PIGS: variants seen among roughly 807,000 people sequenced by gnomAD.
The protein encoded by PIGS is GPI-anchor transamidase component PIGS.
A neutral mutation model predicts 58.2 loss-of-function variants in PIGS; 37 were observed. That is an observed-to-expected ratio of 0.64 (90% CI 0.49 to 0.84). PIGS has a LOEUF of 0.84. Ranked by LOEUF, PIGS falls within the 40% of genes least tolerant of loss-of-function variation. The pLI is 0.00. For missense variants in PIGS, 629 were observed against 710.8 expected (o/e 0.88, Z 1.31); for synonymous variants, 269 against 289.2 (o/e 0.93, Z 0.71).
intron 3 of PIGS, among the ~76,000 whole-genome samples, chr17:28,566,255 G>T (rs1022839750): frequency 2.2e-5 from 3 of 135,542 alleles, no homozygotes; most frequent in Non-Finnish European, 1.6e-5. Flanking sequence ...AGGACCCCTT[G>T]TCTACTTTTT....
chr17:28,556,470 A>G lies in PIGS; in HGVS notation c.1081-204T>C, dbSNP rs570837412. ...TACCCCCTTGAAAGTCCTGTAGAACATATTTTTTTCTTATCCCATTTTAGA... is the reference window on the plus strand; with the variant it reads ...TACCCCCTTGAAAGTCCTGTAGAACGTATTTTTTTCTTATCCCATTTTAGA... On this transcript the variant is annotated intron_variant, in intron 9 of 11. Transcript: ENST00000308360. The G allele has an allele frequency of 7.7e-5, 55 of 714,896 alleles. 1 individual carries two copies. The highest frequency in any genetic ancestry group is 2.9e-4 in the South Asian group (20 of 68,218). 44.3% of individuals were successfully genotyped at this position (714,896 alleles called of 1,614,324 possible). A position where few individuals can be genotyped will look rare whatever the true frequency, so the allele number is the denominator to read the frequency against.
intron 3 of PIGS, among the ~76,000 whole-genome samples, chr17:28,568,907 C>G (rs986213895): frequency 1.3e-5 from 2 of 151,382 alleles, no homozygotes; most frequent in African/African-American, 4.9e-5. Context: ...ACCAGCCTAG[C>G]CAACATGGTG....
At chr17:28,563,356 A>T in intron 5 of PIGS, 75 bp downstream of exon 5, 3 of 1,229,216 alleles carry the variant, frequency 2.4e-6, no homozygotes, top group Non-Finnish European at 3.6e-6. Flanking sequence ...GGTAGCAATG[A>T]TGCAAGAAGG....
At chr17:28,571,015 G>T (rs773589239) in intron 2 of PIGS, 34 bp downstream of exon 2, 1 of 1,614,162 alleles carries the variant, frequency 6.2e-7, no homozygotes, top group East Asian at 2.2e-5. Context: ...TGCCGGGGGG[G>T]CTGTCCCCCG....
intron 7 of PIGS, among the ~76,000 whole-genome samples, chr17:28,559,531 GTCTCTACTAAAATACAAAAA>G (rs562480225): frequency 4.2e-4 from 63 of 151,146 alleles, no homozygotes; most frequent in South Asian, 1.7e-3. Context: ...GTGAAAACCC[GTCTCTACTAAAATACAAAAA>G]TCAGCTGGGC....
chr17:28,554,051 A>G lies in PIGS; in HGVS notation c.*169T>C. 1.2e-6 allele frequency: 1 copy of G among 845,336 alleles called. No individual in the cohort carries two copies. The highest frequency in any genetic ancestry group is 1.8e-6 in the Non-Finnish European group (1 of 554,154). 52.4% of individuals were successfully genotyped at this position (845,336 alleles called of 1,614,324 possible). Reference sequence around the variant, plus strand: ...TGAGCCAGGTGAATGGGAAAGGAAGAAAAGATGAACCCATCTTGGAGTGTT... The same window carrying G: ...TGAGCCAGGTGAATGGGAAAGGAAGGAAAGATGAACCCATCTTGGAGTGTT... On this transcript the variant is annotated 3_prime_UTR_variant, in exon 12 of 12. Transcript: ENST00000308360.
At chr17:28,565,368 G>C (rs1256872342) in intron 3 of PIGS, among the ~76,000 whole-genome samples, 2 of 152,108 alleles carry the variant, frequency 1.3e-5, no homozygotes, top group African/African-American at 2.4e-5. Context: ...TAGCATACAA[G>C]GCCCCTAGAT....
Position 28,554,421 on chromosome 17 carries a change from G to A in PIGS, c.1467C>T (p.Val489=), listed in dbSNP as rs764250414. ...AGGATGTCACAGCTTCCTGGCTGGC[G>A]ACAAAGGCAGATGCCAGGTGCCCAG... ...LASGHLASAF[V]ASQEAVTSSE... is the part of the protein sequence containing the mutation. The change falls in exon 12 of 12, where the codon GTC becomes GTT. Residue 489 remains valine (V), a synonymous_variant. Transcript: ENST00000308360. The A allele has an allele frequency of 6.8e-6, 11 of 1,614,028 alleles. No individual in the cohort carries two copies. In the Admixed American group the frequency reaches 1.0e-4, roughly 15 times the overall value.
intron 7 of PIGS, among the ~76,000 whole-genome samples, chr17:28,559,065 C>CA (rs1325941595): frequency 2.0e-5 from 3 of 152,034 alleles, no homozygotes; most frequent in Non-Finnish European, 4.4e-5. Flanking sequence ...CTGCAAACTC[C>CA]ACCTCCCGGG....
At chr17:28,567,881 A>T (rs567800217) in intron 3 of PIGS, among the ~76,000 whole-genome samples, 12 of 152,312 alleles carry the variant, frequency 7.9e-5, no homozygotes, top group African/African-American at 2.9e-4. Flanking sequence ...TCGGGACCTT[A>T]GACATGCTTT....
At chr17:28,556,766 T>A (rs2070331560) in intron 9 of PIGS, 61 bp downstream of exon 9, 1 of 1,567,358 alleles carries the variant, frequency 6.4e-7, no homozygotes, top group African/African-American at 1.4e-5. Context: ...GAACACAGTT[T>A]CAGGGACACC....
At chr17:28,558,205 C>G (rs1406543682) in intron 8 of PIGS, among the ~76,000 whole-genome samples, 3 of 152,130 alleles carry the variant, frequency 2.0e-5, no homozygotes, top group African/African-American at 7.2e-5. Flanking sequence ...ACTCGAGAGG[C>G]TGAGGTGGGA....
chr17:28,564,011 G>A, intron 3 of PIGS, 104 bp from the exon 4 acceptor site: 5 of 983,730 alleles, frequency 5.1e-6, no homozygotes, highest in Non-Finnish European at 6.2e-6. Context: ...CAAGATGGCT[G>A]TTTACAGAAA....
At chr17:28,563,763 T>G in intron 4 of PIGS, 55 bp downstream of exon 4, 2 of 1,524,756 alleles carry the variant, frequency 1.3e-6, no homozygotes, top group Non-Finnish European at 1.8e-6. Context: ...CACTTAGAGA[T>G]CAGAAGGAAA....
intron 3 of PIGS, among the ~76,000 whole-genome samples, 185 bp from the exon 4 acceptor site, chr17:28,564,092 G>A (rs1597586138): frequency 6.6e-6 from 1 of 152,112 alleles, no homozygotes; most frequent in Admixed American, 6.5e-5. Context: ...CACCCATTTC[G>A]CCCATCTGCC....
At position 28,555,044 on chromosome 17, in the gene PIGS, G is replaced by A. The variant is rs754568822; in HGVS notation, c.1199C>T (p.Ala400Val). 3.1e-6 allele frequency: 5 copies of A among 1,612,762 alleles called. No homozygotes were observed. In the Admixed American group the frequency reaches 8.4e-5, roughly 27 times the overall value. Residue 400 changes from alanine (A) to valine (V), a missense_variant, in exon 11 of 12, where the codon GCT becomes GTT. By Grantham distance (64) the Ala-to-Val change is moderately conservative (BLOSUM62 0). Coordinates refer to ENST00000308360, the MANE Select transcript of PIGS (RefSeq NM_033198.4). ...LAQLRLLFGI[A>V]QPQLPPKCLL... ...GCATTTTGGAGGCAGCTGGGGCTGA[G>A]CAATCCCAAAGAGCAACCTGTAGGA...
At chr17:28,554,767 C>T in intron 11 of PIGS, 84 bp downstream of exon 11, 1 of 1,539,194 alleles carries the variant, frequency 6.5e-7, no homozygotes, top group East Asian at 2.2e-5. Context: ...CCATGGACCT[C>T]ACAGGCTCTC....
chr17:28,562,049 T>C (rs970907094), intron 5 of PIGS, among the ~76,000 whole-genome samples: 1 of 152,186 alleles, frequency 6.6e-6, no homozygotes, highest in Admixed American at 6.5e-5. Flanking sequence ...CCATTAGCAA[T>C]AGAATGGGTA....
At chr17:28,563,632 T>C (rs2070378198) in intron 4 of PIGS, 110 bp from the exon 5 acceptor site, 1 of 1,251,772 alleles carries the variant, frequency 8.0e-7, no homozygotes, top group Admixed American at 1.8e-5. Flanking sequence ...GACACAGTGG[T>C]CAGGCTTGGG....
Sources: allele counts gnomAD v4.1 joint callset (sites outside exome capture counted in the v4.1 genomes callset), GRCh38; gene constraint gnomAD v4.1.1; transcripts MANE v1.5; gene names NCBI Gene and HGNC (gene_info 2026-07-23, HGNC 2026-07-21).